DZIP1L: variants seen among roughly 807,000 people sequenced by gnomAD.
DZIP1L encodes cilium assembly protein DZIP1L.
Under a neutral mutation model 88.7 loss-of-function variants are expected in DZIP1L, and 90 were observed. The ratio of observed to expected loss-of-function variants is 1.02; its 90% CI spans 0.86 to 1.21. DZIP1L has a LOEUF of 1.21. Among genes scored for constraint, DZIP1L ranks in the 50% most tolerant of loss-of-function variants. DZIP1L has a pLI of 0.00. For synonymous variants in DZIP1L, 363 were observed against 372.1 expected (o/e 0.98, Z 0.28); for missense variants, 932 against 955.8 (o/e 0.98, Z 0.33).
intron 9 of DZIP1L, 99 bp downstream of exon 9, chr3:138,081,635 T>C (rs1407258226): frequency 4.7e-6 from 6 of 1,267,752 alleles, no homozygotes; most frequent in Admixed American, 2.1e-5. Flanking sequence ...CTGTCACCAA[T>C]CCACCACCCA....
chr3:138,094,044 C>T (rs1944356411), intron 4 of DZIP1L, among the ~76,000 whole-genome samples: 1 of 152,230 alleles, frequency 6.6e-6, no homozygotes, highest in Non-Finnish European at 1.5e-5. Context: ...ATGCCTTCAT[C>T]ACTAAACTTA....
intron 11 of DZIP1L, among the ~76,000 whole-genome samples, chr3:138,073,077 T>C (rs72991169): frequency 0.027 from 4,138 of 152,188 alleles, 171 homozygotes; most frequent in African/African-American, 0.094. Flanking sequence ...GTGGTCTTCC[T>C]GCACCCGCCC....
At position 138,062,450 on chromosome 3, in the gene DZIP1L, T is replaced by G. The variant is rs541738097; in HGVS notation, c.*366A>C. ...CATATGTCCCCAAAAGGACCCCAGA[T>G]AGGAACCATCTCCACAGTGTTCCTG... On this transcript the variant is annotated 3_prime_UTR_variant, in exon 16 of 16. Coordinates refer to ENST00000327532, the MANE Select transcript of DZIP1L (RefSeq NM_173543.3). 1 of 184,478 alleles carries G rather than the reference T, an allele frequency of 5.4e-6. No individual in the cohort carries two copies. The highest frequency in any genetic ancestry group is 2.3e-5 in the African/African-American group (1 of 42,970). 11.4% of individuals were successfully genotyped at this position (184,478 alleles called of 1,614,324 possible).
chr3:138,080,469 G>T, intron 10 of DZIP1L, 98 bp downstream of exon 10: 1 of 1,341,186 alleles, frequency 7.5e-7, no homozygotes, highest in Non-Finnish European at 1.1e-6. Context: ...TCCAGCTTCG[G>T]ATGTCCAGAT....
chr3:138,098,943 C>T (rs947428277), intron 2 of DZIP1L, among the ~76,000 whole-genome samples: 4 of 151,926 alleles, frequency 2.6e-5, no homozygotes, highest in Non-Finnish European at 5.9e-5. Context: ...CCCAGGAGTT[C>T]GAGACCAGCC....
At chr3:138,092,694 G>A (rs1483612617) in intron 4 of DZIP1L, 150 bp from the exon 5 acceptor site, 3 of 725,936 alleles carry the variant, frequency 4.1e-6, no homozygotes, top group African/African-American at 3.7e-5. Flanking sequence ...GGACTTGGGA[G>A]GACCAGTCTA....
At chr3:138,101,899 GC>G in intron 2 of DZIP1L, 1 of 1,444,084 alleles carries the variant, frequency 6.9e-7, no homozygotes, top group Non-Finnish European at 9.7e-7. Context: ...ATCCTTAATG[GC>G]CAGCTCCCCA....
intron 14 of DZIP1L, 29 bp from the exon 15 acceptor site, chr3:138,064,796 T>C (rs976357571): frequency 6.5e-7 from 1 of 1,543,116 alleles, no homozygotes; most frequent in African/African-American, 1.4e-5. Context: ...GCTGTGTCAG[T>C]GGGAGAAGCC....
rs1008182702 is a variant in DZIP1L at position 138,077,708 on chromosome 3, G to C, written c.1289-76C>G. On this transcript the variant is annotated intron_variant, in intron 10 of 15. Transcript: ENST00000327532. ...TTCCCAGAGCCCTACTGCACCTGCC[G>C]AGCCCTCACACTGCCAGGAATCCTG... is the stretch of plus-strand genomic sequence containing the variant. 5.1e-6 allele frequency: 8 copies of C among 1,572,816 alleles called. No homozygotes were observed. The African/African-American group carries it at 8.1e-5, about 16-fold the overall frequency.
At chr3:138,112,925 C>T (rs183249626) in intron 1 of DZIP1L, among the ~76,000 whole-genome samples, 4 of 151,028 alleles carry the variant, frequency 2.6e-5, no homozygotes, top group East Asian at 1.9e-4. Context: ...CCAGCCTGGG[C>T]GACAGAGTGA....
intron 1 of DZIP1L, among the ~76,000 whole-genome samples, chr3:138,113,226 A>G (rs943247468): frequency 5.9e-5 from 9 of 152,178 alleles, no homozygotes; most frequent in African/African-American, 1.9e-4. Flanking sequence ...ACCACCTCAC[A>G]AGACAGCCAT....
intron 2 of DZIP1L, chr3:138,101,607 G>A: frequency 1.3e-6 from 1 of 797,398 alleles, no homozygotes; most frequent in Non-Finnish European, 2.2e-6. Context: ...CAGAGCCAAA[G>A]CTGGAGCCCA....
chr3:138,101,775 G>C (rs2042322635), intron 2 of DZIP1L: 7 of 1,091,952 alleles, frequency 6.4e-6, no homozygotes, highest in African/African-American at 3.1e-5. Flanking sequence ...TGGCGATCTT[G>C]ATGTCCAGGG....
chr3:138,075,301 T>C (rs575548174), intron 11 of DZIP1L, among the ~76,000 whole-genome samples: 3 of 152,098 alleles, frequency 2.0e-5, no homozygotes, highest in Non-Finnish European at 2.9e-5. Context: ...CTAGAACAAA[T>C]AGACTTAACA....
intron 1 of DZIP1L, among the ~76,000 whole-genome samples, chr3:138,106,818 C>T (rs1447500623): frequency 1.3e-5 from 2 of 149,820 alleles, no homozygotes; most frequent in Admixed American, 6.7e-5. Flanking sequence ...GGTGACAGAG[C>T]GAGACTCCGT....
chr3:138,103,610 T>C lies in DZIP1L; in HGVS notation c.362A>G (p.Gln121Arg). 1 of 1,606,532 alleles carries C rather than the reference T, an allele frequency of 6.2e-7. No individual in the cohort carries two copies. Among genetic ancestry groups the C allele is most frequent in the Non-Finnish European group, 8.5e-7 (1 of 1,179,214 alleles). ...CAGCTCCTGCTGACCACGCTGCTGC[T>C]GGCCCAGGCTGGTCTGCAGCCGTGC... is the stretch of plus-strand genomic sequence containing the variant. The part of the protein sequence containing the change: ...LEARLQTSLG[Q>R]QQRGQQELGR... The change falls in exon 2 of 16, where the codon CAG (glutamine) becomes CGG (arginine). Residue 121 changes from glutamine (Q) to arginine (R), a missense_variant. By Grantham distance (43) the Gln-to-Arg change is conservative. Transcript: ENST00000327532.
At chr3:138,084,410 G>A (rs1024374994) in intron 7 of DZIP1L, among the ~76,000 whole-genome samples, 157 bp from the exon 8 acceptor site, 4 of 152,328 alleles carry the variant, frequency 2.6e-5, no homozygotes, top group African/African-American at 7.2e-5. Flanking sequence ...TTCCAGTCTG[G>A]GGACATTTTT....
chr3:138,074,023 T>A (rs1287889920), intron 11 of DZIP1L, among the ~76,000 whole-genome samples: 5 of 151,994 alleles, frequency 3.3e-5, no homozygotes, highest in African/African-American at 7.3e-5. Context: ...AAAAGAATTT[T>A]AAAAAAATGA....
Position 138,097,746 on chromosome 3 carries a change from CTG to C in DZIP1L, c.586+15_586+16del, listed in dbSNP as rs765612870. On this transcript the variant is annotated intron_variant, in intron 3 of 15. Transcript: ENST00000327532. ...TCCACAGTCCCAGAAGGGGCCCGGG[CTG>C]CTGTCTGGACTCACCACCTTCTGCC... 5.5e-5 allele frequency: 88 copies of C among 1,603,166 alleles called. No individual in the cohort carries two copies. Among genetic ancestry groups the C allele is most frequent in the Non-Finnish European group, 7.4e-5 (87 of 1,174,696 alleles).
Sources: gnomAD v4.1 joint callset for allele counts (sites outside exome capture counted in the v4.1 genomes callset) on GRCh38, gnomAD v4.1.1 for gene constraint, MANE v1.5 for transcripts, NCBI Gene and HGNC (gene_info 2026-07-23, HGNC 2026-07-21) for gene names.